Variants in GLT8D2 observed in about 807,000 individuals in gnomAD.
The protein encoded by GLT8D2 is glycosyltransferase 8 domain containing 2.
GLT8D2 carries 45 observed loss-of-function variants against 44.5 expected under a neutral mutation model. The ratio of observed to expected loss-of-function variants is 1.01; its 90% CI spans 0.80 to 1.30. GLT8D2 has a LOEUF of 1.30. GLT8D2 is among the 50% of genes most tolerant of loss of function. The pLI is 0.00. For synonymous variants in GLT8D2, 156 were observed against 157.2 expected (o/e 0.99, Z 0.06); for missense variants, 400 against 430.4 (o/e 0.93, Z 0.62).
intron 1 of GLT8D2, chr12:104,031,506 T>C (rs777189722): frequency 5.6e-4 from 909 of 1,612,788 alleles, no homozygotes; most frequent in Non-Finnish European, 7.4e-4. Context: ...CGCAAAGCCA[T>C]GGAAGCTGTG....
At chr12:104,038,110 ACT>A (rs1339694905) in intron 1 of GLT8D2, among the ~76,000 whole-genome samples, 1 of 152,122 alleles carries the variant, frequency 6.6e-6, no homozygotes, top group Non-Finnish European at 1.5e-5. Flanking sequence ...CATGCTAAAA[ACT>A]CTCAATAAAC....
chr12:104,016,774 A>AGAAAGAAGGAAAG lies in GLT8D2; in HGVS notation c.20-1670_20-1669insCTTTCCTTCTTTC, dbSNP rs1566199645. 2.5e-3 allele frequency among the ~76,000 whole-genome samples: 145 copies of AGAAAGAAGGAAAG among 58,342 alleles called. 2 individuals are homozygous for AGAAAGAAGGAAAG. The highest frequency in any genetic ancestry group is 9.1e-3 in the Middle Eastern group (1 of 110). The allele number at this position is 58,342 out of a possible 152,430, so 38.3% of individuals were successfully genotyped here. A position where few individuals can be genotyped will look rare whatever the true frequency, so the allele number is the denominator to read the frequency against. ...AAGAAAGAAAGAAAGAAAGAAAGAA[A>AGAAAGAAGGAAAG]GAAGGAAGGAAGGAAGGAAGGAAGG... On this transcript the variant is annotated intron_variant, in intron 3 of 10. Coordinates refer to ENST00000360814, the MANE Select transcript of GLT8D2 (RefSeq NM_001384711.1).
intron 4 of GLT8D2, among the ~76,000 whole-genome samples, chr12:104,006,554 C>T (rs1371510885): frequency 1.3e-5 from 2 of 152,158 alleles, no homozygotes; most frequent in Non-Finnish European, 2.9e-5. Flanking sequence ...GAAGAGATAA[C>T]TGTGCATGCC....
intron 1 of GLT8D2, among the ~76,000 whole-genome samples, chr12:104,046,396 C>T (rs905847913): frequency 1.3e-5 from 2 of 152,202 alleles, no homozygotes; most frequent in African/African-American, 4.8e-5. Flanking sequence ...AAAACTGAGG[C>T]TCAGAGAATT....
chr12:104,015,449 G>A (rs1446617640), intron 3 of GLT8D2, among the ~76,000 whole-genome samples: 6 of 137,060 alleles, frequency 4.4e-5, no homozygotes, highest in Middle Eastern at 3.6e-3. Context: ...TTAGCTGGGC[G>A]TGGTGGCATG....
chr12:104,052,613 T>C (rs1428739171), upstream of GLT8D2, among the ~76,000 whole-genome samples: 3 of 152,204 alleles, frequency 2.0e-5, no homozygotes, highest in Admixed American at 6.5e-5. Flanking sequence ...GCTGCCTGTG[T>C]AGAATTATTG....
chr12:104,001,528 T>G (rs1454400984), intron 5 of GLT8D2, among the ~76,000 whole-genome samples: 1 of 152,222 alleles, frequency 6.6e-6, no homozygotes, highest in African/African-American at 2.4e-5. Flanking sequence ...CATGCCCATT[T>G]TCCTGCACTG....
chr12:104,050,371 T>C (rs1002728818), upstream of GLT8D2: 1 of 152,230 alleles, frequency 6.6e-6, no homozygotes, highest in Admixed American at 6.5e-5. Context: ...AGGCAAACTT[T>C]GAAAGAACAC....
chr12:104,001,025 C>T (rs1001777437), intron 5 of GLT8D2, among the ~76,000 whole-genome samples: 5 of 152,194 alleles, frequency 3.3e-5, no homozygotes, highest in African/African-American at 1.2e-4. Context: ...CTCTGTCCTC[C>T]CAAGAGATAG....
At chr12:104,004,908 G>A (rs1305403813) in intron 4 of GLT8D2, among the ~76,000 whole-genome samples, 2 of 152,144 alleles carry the variant, frequency 1.3e-5, no homozygotes, top group African/African-American at 2.4e-5. Flanking sequence ...AACCAAAAAA[G>A]AGCCCGCATC....
intron 4 of GLT8D2, among the ~76,000 whole-genome samples, chr12:104,006,170 G>A (rs966281303): frequency 1.1e-4 from 17 of 148,836 alleles, no homozygotes; most frequent in African/African-American, 3.5e-4. Flanking sequence ...ATTCATAGGT[G>A]GGAATTGAAC....
At chr12:104,048,967 T>G (rs1249083309) in intron 1 of GLT8D2, among the ~76,000 whole-genome samples, 1 of 152,222 alleles carries the variant, frequency 6.6e-6, no homozygotes, top group East Asian at 1.9e-4. Context: ...GATTCAGTCC[T>G]GTAAGCCTGA....
intron 3 of GLT8D2, among the ~76,000 whole-genome samples, chr12:104,017,161 C>A (rs1268640305): frequency 2.0e-5 from 3 of 151,272 alleles, no homozygotes; most frequent in Non-Finnish European, 4.4e-5. Flanking sequence ...TGCAGGAACA[C>A]AACAAAAGCT....
intron 1 of GLT8D2, among the ~76,000 whole-genome samples, chr12:104,056,470 T>C (rs892916759): frequency 6.6e-6 from 1 of 152,238 alleles, no homozygotes; most frequent in Admixed American, 6.5e-5. Flanking sequence ...GTTGACTTTT[T>C]GGCCTGCAGC....
intron 1 of GLT8D2, among the ~76,000 whole-genome samples, chr12:104,059,730 G>GT (rs1882469246): frequency 6.6e-6 from 1 of 152,074 alleles, no homozygotes; most frequent in South Asian, 2.1e-4. Flanking sequence ...TTGTTTGTTT[G>GT]TTTTTTTCCT....
chr12:104,045,683 T>C (rs1226460809), intron 1 of GLT8D2, among the ~76,000 whole-genome samples: 1 of 152,102 alleles, frequency 6.6e-6, no homozygotes, highest in Non-Finnish European at 1.5e-5. Flanking sequence ...TTTTGAGACC[T>C]GGCAGTGGCT....
intron 1 of GLT8D2, among the ~76,000 whole-genome samples, chr12:104,038,839 C>A (rs974524579): frequency 1.3e-5 from 2 of 152,132 alleles, no homozygotes; most frequent in African/African-American, 4.8e-5. Context: ...ATCGCCAAGA[C>A]AATCCTAAGC....
upstream of GLT8D2, among the ~76,000 whole-genome samples, chr12:104,051,927 C>A (rs1445400523): frequency 2.0e-5 from 3 of 152,046 alleles, no homozygotes; most frequent in Non-Finnish European, 4.4e-5. Flanking sequence ...TTGATCTTTA[C>A]AAATTATATG....
At chr12:104,006,054 T>C (rs1177257904) in intron 4 of GLT8D2, among the ~76,000 whole-genome samples, 22 of 151,974 alleles carry the variant, frequency 1.4e-4, no homozygotes, top group Admixed American at 1.4e-3. Flanking sequence ...TATGCAGCCA[T>C]AAAAAAGGAT....
Sources: allele counts gnomAD v4.1 joint callset (sites outside exome capture counted in the v4.1 genomes callset), GRCh38; gene constraint gnomAD v4.1.1; transcripts MANE v1.5; gene names NCBI Gene and HGNC (gene_info 2026-07-23, HGNC 2026-07-21).